NCK1: variants seen among roughly 807,000 people sequenced by gnomAD.
NCK1 encodes NCK adaptor protein 1, also known as SH2/SH3 adapter protein NCK1.
A neutral mutation model predicts 36.6 loss-of-function variants in NCK1; 19 were observed. That is an observed-to-expected ratio of 0.52 (90% CI 0.36 to 0.76). NCK1 has a LOEUF of 0.76. Ranked by LOEUF, NCK1 falls within the 30% of genes least tolerant of loss-of-function variation. The pLI is 0.00. For missense variants in NCK1, 358 were observed against 445.6 expected (o/e 0.80, Z 1.77); for synonymous variants, 165 against 156.0 (o/e 1.06, Z -0.43).
At position 136,893,189 on chromosome 3, in the gene NCK1, T is replaced by TACACACAC. The variant is rs1487055285; in HGVS notation, c.-19+30837_-19+30838insCACACACA. 3.1e-4 allele frequency among the ~76,000 whole-genome samples: 38 copies of TACACACAC among 123,060 alleles called. 2 individuals are homozygous for TACACACAC. Among genetic ancestry groups the TACACACAC allele is most frequent in the East Asian group, 5.3e-4 (2 of 3,744 alleles). The allele number at this position is 123,060 out of a possible 152,430, so 80.7% of individuals were successfully genotyped here. A position where few individuals can be genotyped will look rare whatever the true frequency, so the allele number is the denominator to read the frequency against. On this transcript the variant is annotated intron_variant, in intron 1 of 3. Transcript: ENST00000481752. ...GTGTGTGTGTGTGTGTATATATATA[T>TACACACAC]ATACACACATGTGCAAGTATCTTTT...
At chr3:136,906,356 C>T (rs1053160851) in intron 1 of NCK1, among the ~76,000 whole-genome samples, 1 of 151,812 alleles carries the variant, frequency 6.6e-6, no homozygotes, top group Non-Finnish European at 1.5e-5. Flanking sequence ...GTGATCCTCC[C>T]GCCTCAGCCT....
At chr3:136,892,412 G>C (rs1687723376) in intron 1 of NCK1, among the ~76,000 whole-genome samples, 1 of 152,172 alleles carries the variant, frequency 6.6e-6, no homozygotes, top group Non-Finnish European at 1.5e-5. Flanking sequence ...CTGATGTCCT[G>C]GATTATCTGA....
intron 2 of NCK1, among the ~76,000 whole-genome samples, chr3:136,939,959 C>T (rs886088490): frequency 2.0e-5 from 3 of 151,026 alleles, no homozygotes; most frequent in South Asian, 2.1e-4. Flanking sequence ...TCAAGCAATC[C>T]TCCCAACTCA....
chr3:136,892,029 T>C (rs1353244391), intron 1 of NCK1, among the ~76,000 whole-genome samples: 1 of 152,148 alleles, frequency 6.6e-6, no homozygotes, highest in African/African-American at 2.4e-5. Flanking sequence ...GCTAGGACTA[T>C]AGGTGCATGC....
intron 1 of NCK1, among the ~76,000 whole-genome samples, chr3:136,881,241 A>G (rs9811169): frequency 0.68 from 103,404 of 151,762 alleles, 35,529 homozygotes; most frequent in East Asian, 0.87. Context: ...TTTTTTTGAG[A>G]TGGAGTCTCA....
chr3:136,900,857 A>G (rs901291488), intron 1 of NCK1, among the ~76,000 whole-genome samples: 5 of 152,192 alleles, frequency 3.3e-5, no homozygotes, highest in African/African-American at 9.7e-5. Flanking sequence ...ATCAGCAAAG[A>G]GGGACAGTTT....
intron 1 of NCK1, among the ~76,000 whole-genome samples, chr3:136,916,587 T>C (rs113863392): frequency 1.4e-3 from 215 of 152,266 alleles, no homozygotes; most frequent in African/African-American, 4.8e-3. Flanking sequence ...ATTAATAATG[T>C]AAAGCATGGG....
At chr3:136,938,404 G>A (rs910318181) in intron 2 of NCK1, among the ~76,000 whole-genome samples, 4 of 152,276 alleles carry the variant, frequency 2.6e-5, no homozygotes, top group African/African-American at 9.6e-5. Flanking sequence ...GTGGACATGT[G>A]CAGTGTGGCA....
chr3:136,890,384 T>G (rs1939209021), intron 1 of NCK1, among the ~76,000 whole-genome samples: 1 of 152,104 alleles, frequency 6.6e-6, no homozygotes, highest in African/African-American at 2.4e-5. Flanking sequence ...CGCCTCTCCC[T>G]CTACACCTCC....
At chr3:136,865,738 A>G (rs1938393667) in intron 1 of NCK1, among the ~76,000 whole-genome samples, 1 of 152,244 alleles carries the variant, frequency 6.6e-6, no homozygotes, top group Non-Finnish European at 1.5e-5. Context: ...GATGTTAGGA[A>G]GACAACAAGG....
chr3:136,890,323 C>T (rs1482482179), intron 1 of NCK1, among the ~76,000 whole-genome samples: 1 of 152,192 alleles, frequency 6.6e-6, no homozygotes, highest in Non-Finnish European at 1.5e-5. Context: ...CACGCCCACC[C>T]GGAACTCCAG....
chr3:136,902,075 A>G (rs1004843500), intron 1 of NCK1, among the ~76,000 whole-genome samples: 2 of 151,120 alleles, frequency 1.3e-5, no homozygotes, highest in Non-Finnish European at 1.5e-5. Context: ...TGTTTCAATA[A>G]TTTTTTTGAT....
intron 1 of NCK1, among the ~76,000 whole-genome samples, chr3:136,911,269 A>G (rs559356835): frequency 6.6e-6 from 1 of 152,310 alleles, no homozygotes; most frequent in Non-Finnish European, 1.5e-5. Context: ...ATATATACCC[A>G]GAAGTGGGAT....
At chr3:136,909,946 G>A (rs1246009476) in intron 1 of NCK1, among the ~76,000 whole-genome samples, 4 of 151,948 alleles carry the variant, frequency 2.6e-5, no homozygotes, top group African/African-American at 9.7e-5. Context: ...CTCCTTACAC[G>A]TTTTACCTAT....
intron 1 of NCK1, among the ~76,000 whole-genome samples, chr3:136,890,130 C>T (rs9842145): frequency 0.68 from 103,671 of 152,024 alleles, 35,647 homozygotes; most frequent in East Asian, 0.87. Context: ...CTGCAGGTCC[C>T]GAGCCCTGCC....
At chr3:136,898,404 A>AGGT (rs1260902183) in intron 1 of NCK1, among the ~76,000 whole-genome samples, 3 of 149,166 alleles carry the variant, frequency 2.0e-5, no homozygotes, top group African/African-American at 7.3e-5. Flanking sequence ...AAAAAAAAAA[A>AGGT]GGTGGATGCA....
chr3:136,864,838 A>AC (rs1207345758), intron 1 of NCK1, among the ~76,000 whole-genome samples: 1 of 147,342 alleles, frequency 6.8e-6, no homozygotes, highest in Non-Finnish European at 1.5e-5. Context: ...GCTCACTGCA[A>AC]CCTCTGCCTC....
At chr3:136,867,405 A>AAT (rs746200486) in intron 1 of NCK1, 2 of 101,590 alleles carry the variant, frequency 2.0e-5, no homozygotes, top group Non-Finnish European at 3.6e-5. Flanking sequence ...TGTCTGGCTA[A>AAT]TTTTTTTTTT....
chr3:136,919,286 A>AT (rs1940046394), intron 1 of NCK1, among the ~76,000 whole-genome samples: 1 of 152,132 alleles, frequency 6.6e-6, no homozygotes, highest in African/African-American at 2.4e-5. Flanking sequence ...CAGTGATTAC[A>AT]TAACTCTTAA....
Sources: allele counts gnomAD v4.1 joint callset (sites outside exome capture counted in the v4.1 genomes callset), GRCh38; gene constraint gnomAD v4.1.1; transcripts MANE v1.5; gene names NCBI Gene and HGNC (gene_info 2026-07-23, HGNC 2026-07-21).